The following SSBP3 variants were observed in gnomAD, a reference collection of about 807,000 sequenced individuals.
The protein encoded by SSBP3 is single-stranded DNA-binding protein 3.
Under a neutral mutation model 69.6 loss-of-function variants are expected in SSBP3, and 5 were observed. That is an observed-to-expected ratio of 0.07 (90% CI 0.04 to 0.15). The LOEUF is 0.15. SSBP3 is among the 10% of genes least tolerant of loss of function. The probability of loss-of-function intolerance (pLI) is 1.00; values close to 1 mark genes in which losing one functional copy is unlikely to be tolerated. For synonymous variants in SSBP3, 196 were observed against 193.4 expected, an observed-to-expected ratio of 1.01 and a Z score of -0.11; for missense variants, 312 against 534.0, an observed-to-expected ratio of 0.58 and a Z score of 4.10.
intron 4 of SSBP3, among the ~76,000 whole-genome samples, chr1:54,314,180 A>G (rs1646055846): frequency 1.3e-5 from 2 of 152,216 alleles, no homozygotes; most frequent in Non-Finnish European, 2.9e-5. Flanking sequence ...CCAGCACCCA[A>G]GGTAAAACGT....
At chr1:54,247,118 G>A (rs1644747835) in intron 9 of SSBP3, among the ~76,000 whole-genome samples, 2 of 152,252 alleles carry the variant, frequency 1.3e-5, no homozygotes, top group African/African-American at 2.4e-5. Flanking sequence ...GGTCCACAGT[G>A]AGAAGGGACC....
intron 4 of SSBP3, among the ~76,000 whole-genome samples, chr1:54,392,547 C>T (rs1342999826): frequency 3.9e-5 from 6 of 152,170 alleles, no homozygotes; most frequent in African/African-American, 1.4e-4. Context: ...CAGTCATGAC[C>T]CACTAAGTTG....
At chr1:54,380,188 C>T (rs756940774) in intron 4 of SSBP3, among the ~76,000 whole-genome samples, 1 of 152,202 alleles carries the variant, frequency 6.6e-6, no homozygotes, top group Non-Finnish European at 1.5e-5. Flanking sequence ...ATGGGCAGAC[C>T]CTCCCCGCAG....
intron 4 of SSBP3, among the ~76,000 whole-genome samples, chr1:54,323,080 T>G (rs934844317): frequency 2.6e-5 from 4 of 152,306 alleles, no homozygotes; most frequent in South Asian, 2.1e-4. Context: ...TTTGAGTTAT[T>G]TGGAACTTCC....
intron 9 of SSBP3, among the ~76,000 whole-genome samples, chr1:54,248,872 A>G (rs1422523957): frequency 6.6e-6 from 1 of 152,180 alleles, no homozygotes; most frequent in East Asian, 1.9e-4. Context: ...CACATTGATA[A>G]AGTAAAATAA....
intron 4 of SSBP3, among the ~76,000 whole-genome samples, chr1:54,371,468 C>G (rs1259638336): frequency 1.3e-5 from 2 of 152,168 alleles, no homozygotes; most frequent in African/African-American, 4.8e-5. Context: ...ATAGGGAGTG[C>G]CTGCTGGGGC....
chr1:54,340,814 G>A (rs1389643511), intron 4 of SSBP3, among the ~76,000 whole-genome samples: 1 of 152,202 alleles, frequency 6.6e-6, no homozygotes, highest in Non-Finnish European at 1.5e-5. Context: ...AGGGCTGCAG[G>A]CTCCTACAAG....
At chr1:54,332,913 T>TGCAC (rs565364038) in intron 4 of SSBP3, among the ~76,000 whole-genome samples, 216 of 152,238 alleles carry the variant, frequency 1.4e-3, no homozygotes, top group Non-Finnish European at 2.5e-3. Context: ...TAAGCAAACA[T>TGCAC]GCACGCACAC....
chr1:54,290,294 T>C (rs1366789727), intron 4 of SSBP3, among the ~76,000 whole-genome samples: 2 of 152,150 alleles, frequency 1.3e-5, no homozygotes, highest in East Asian at 1.9e-4. Flanking sequence ...GTGGGGGGCA[T>C]AGGGAACTTA....
rs909722791 is a variant in SSBP3, at chr1:54,239,016, A to T, written c.927+113T>A. On this transcript the variant is annotated intron_variant, in intron 14 of 17. Transcript: ENST00000610401. ...ACTTTTCTGACGGTTTATTTTATTC[A>T]TCTTTGGTAACAAATGGCTGAAATC... 1.4e-5 allele frequency: 13 copies of T among 951,886 alleles called. No individual in the cohort carries two copies. The African/African-American group carries it at 1.8e-4, about 13-fold the overall frequency. 59.0% of individuals were successfully genotyped at this position (951,886 alleles called of 1,614,324 possible).
At chr1:54,235,711 G>A (rs1322004466) in intron 14 of SSBP3, among the ~76,000 whole-genome samples, 1 of 151,802 alleles carries the variant, frequency 6.6e-6, no homozygotes, top group East Asian at 1.9e-4. Context: ...GCCTCCCAAC[G>A]TGCTCGGATT....
At chr1:54,410,217 A>G (rs369340337), upstream of SSBP3, among the ~76,000 whole-genome samples, 52 of 152,298 alleles carry the variant, frequency 3.4e-4, no homozygotes, top group East Asian at 7.9e-3. Flanking sequence ...GAAGACGGAG[A>G]GGTGAATTCC....
At chr1:54,394,868 A>AT (rs968871503) in intron 4 of SSBP3, among the ~76,000 whole-genome samples, 63 of 151,084 alleles carry the variant, frequency 4.2e-4, no homozygotes, top group Non-Finnish European at 7.2e-4. Context: ...ATGCCCAGCT[A>AT]TTTTTTTTGT....
At chr1:54,288,591 G>A (rs1002499669) in intron 4 of SSBP3, among the ~76,000 whole-genome samples, 1 of 142,964 alleles carries the variant, frequency 7.0e-6, no homozygotes, top group South Asian at 2.4e-4. Flanking sequence ...AGGGGTGGGG[G>A]GGGGGAGGGT....
At chr1:54,339,816 G>A (rs1269447003) in intron 4 of SSBP3, among the ~76,000 whole-genome samples, 1 of 152,188 alleles carries the variant, frequency 6.6e-6, no homozygotes, top group Non-Finnish European at 1.5e-5. Flanking sequence ...GGGAGGCTGA[G>A]GGTAGGAGAA....
At chr1:54,356,271 C>G (rs931033132) in intron 4 of SSBP3, 3 of 152,264 alleles carry the variant, frequency 2.0e-5, no homozygotes, top group African/African-American at 7.2e-5. Flanking sequence ...AAAAGAAAAC[C>G]AGCAGCCAGG....
At chr1:54,268,616 A>G (rs1645142077) in intron 5 of SSBP3, among the ~76,000 whole-genome samples, 1 of 152,236 alleles carries the variant, frequency 6.6e-6, no homozygotes, top group Admixed American at 6.5e-5. Context: ...ACGGAACAGC[A>G]AAGTCTGCCA....
At chr1:54,400,599 G>A (rs1649225646) in intron 4 of SSBP3, among the ~76,000 whole-genome samples, 1 of 152,148 alleles carries the variant, frequency 6.6e-6, no homozygotes, top group African/African-American at 2.4e-5. Flanking sequence ...CTCTTTTTCA[G>A]CCCTGAAGAG....
intron 4 of SSBP3, among the ~76,000 whole-genome samples, chr1:54,352,334 G>C (rs74071655): frequency 0.011 from 1,599 of 152,268 alleles, 28 homozygotes; most frequent in African/African-American, 0.037. Context: ...GAATTACCTT[G>C]TTATCCTACT....
Sources: allele counts gnomAD v4.1 joint callset (sites outside exome capture counted in the v4.1 genomes callset), GRCh38; gene constraint gnomAD v4.1.1; transcripts MANE v1.5; gene names NCBI Gene and HGNC (gene_info 2026-07-23, HGNC 2026-07-21).